Variants in QTRT1 observed in about 807,000 individuals in gnomAD.
The protein encoded by QTRT1 is queuine tRNA-ribosyltransferase catalytic subunit 1.
A neutral mutation model predicts 44.0 loss-of-function variants in QTRT1; 41 were observed. The observed-to-expected ratio is 0.93, with a 90% CI of 0.73 to 1.21. The LOEUF (loss-of-function observed/expected upper bound fraction) is 1.21. Ranked by LOEUF, QTRT1 falls within the 50% of genes most tolerant of loss-of-function variation. The probability of loss-of-function intolerance (pLI) is 0.00; values close to 1 mark genes in which losing one functional copy is unlikely to be tolerated. For missense variants in QTRT1, 542 were observed against 575.8 expected (o/e 0.94, Z 0.60); for synonymous variants, 226 against 237.1 (o/e 0.95, Z 0.43).
intron 5 of QTRT1, among the ~76,000 whole-genome samples, chr19:10,710,644 G>A (rs961966032): frequency 7.2e-5 from 11 of 151,794 alleles, no homozygotes; most frequent in Non-Finnish European, 1.3e-4. Context: ...TACTTTGGCC[G>A]GGCGTGGTGG....
At chr19:10,702,084 C>T (rs1183133342) in intron 2 of QTRT1, 32 bp from the exon 3 acceptor site, 1 of 1,614,142 alleles carries the variant, frequency 6.2e-7, no homozygotes, top group Non-Finnish European at 8.5e-7. Context: ...CATCTCCACC[C>T]CCTGACAGCT....
chr19:10,707,502 C>G lies in QTRT1; in HGVS notation c.533C>G (p.Ser178Ter). Residue 178 changes from serine to a stop codon, truncating the protein, a stop_gained and splice_region_variant, in exon 5 of 10, where the codon TCA (serine) becomes TGA (stop). Coordinates refer to ENST00000250237, the MANE Select transcript of QTRT1 (RefSeq NM_031209.3). LOFTEE classifies it high-confidence loss of function. ...TTGTGACTGGGGCCCTGTTGCAGGT[C>G]AATCCGCTGGCTGGACCGGTGCATT... Reference protein sequence around the residue: ...GPRVEEAMYRSIRWLDRCIAA... With the variant: ...GPRVEEAMYR 6 of 1,611,428 alleles carry G rather than the reference C, an allele frequency of 3.7e-6. No individual in the cohort carries two copies. The highest frequency in any genetic ancestry group is 5.1e-6 in the Non-Finnish European group (6 of 1,178,038).
At chr19:10,702,281 C>T in intron 3 of QTRT1, 27 bp downstream of exon 3, 1 of 1,606,602 alleles carries the variant, frequency 6.2e-7, no homozygotes, top group Middle Eastern at 1.8e-4. Context: ...GAGCCGCCTC[C>T]TTACCCTGTC....
Position 10,701,691 on chromosome 19 carries a change from G to A in QTRT1, c.231G>A (p.Leu77=). 1 of 1,581,236 alleles carries A rather than the reference G, an allele frequency of 6.3e-7. No homozygotes were observed. Among genetic ancestry groups the A allele is most frequent in the Non-Finnish European group, 8.6e-7 (1 of 1,164,644 alleles). The change falls in exon 1 of 10, where the codon CTG becomes CTA. Residue 77 remains leucine (L), a synonymous_variant. Coordinates refer to ENST00000250237, the MANE Select transcript of QTRT1 (RefSeq NM_031209.3). ...CRICLGNTYH[L]GLRPGPELIQ... is the part of the protein sequence containing the mutation. Reference sequence around the variant, plus strand: ...TCTGCCTGGGCAATACCTACCATCTGGGTCTAAGGCCGGTGGGTGGGCTCT... The same window carrying A: ...TCTGCCTGGGCAATACCTACCATCTAGGTCTAAGGCCGGTGGGTGGGCTCT...
intron 5 of QTRT1, among the ~76,000 whole-genome samples, chr19:10,710,491 A>G (rs1390896463): frequency 6.6e-6 from 1 of 151,744 alleles, no homozygotes; most frequent in Non-Finnish European, 1.5e-5. Flanking sequence ...CAATTTTTGT[A>G]TTTTTAGTAG....
chr19:10,709,672 C>T (rs1454548333), intron 5 of QTRT1, among the ~76,000 whole-genome samples: 1 of 152,078 alleles, frequency 6.6e-6, no homozygotes. Flanking sequence ...CACGGTGAAA[C>T]CCCATCTCTA....
chr19:10,712,138 C>T lies in QTRT1; in HGVS notation c.647-23C>T. 6.2e-7 allele frequency: 1 copy of T among 1,611,440 alleles called. No individual in the cohort carries two copies. Among genetic ancestry groups the T allele is most frequent in the South Asian group, 1.1e-5 (1 of 91,002 alleles). On this transcript the variant is annotated intron_variant, in intron 5 of 9. Transcript: ENST00000250237. This position sits in a 1 kb window ranked among gnomAD's most constrained non-coding sequence, Gnocchi z 5.6. ...CAGGCGCATTTCCTCTTCTGTGGCC[C>T]TCACCTTACCCTGTACCCTCAGAGA...
intron 3 of QTRT1, among the ~76,000 whole-genome samples, chr19:10,703,389 C>T (rs531706069): frequency 1.3e-5 from 2 of 152,104 alleles, no homozygotes; most frequent in South Asian, 4.2e-4. Flanking sequence ...GATAAAGAAC[C>T]ATGGCAACAC....
intron 3 of QTRT1, among the ~76,000 whole-genome samples, chr19:10,703,530 G>A (rs1390588943): frequency 6.6e-6 from 1 of 152,128 alleles, no homozygotes; most frequent in Non-Finnish European, 1.5e-5. Context: ...GAAGCCACGT[G>A]CTGGGTGCGG....
chr19:10,705,486 G>A (rs888733675), intron 3 of QTRT1, among the ~76,000 whole-genome samples: 9 of 152,018 alleles, frequency 5.9e-5, no homozygotes, highest in African/African-American at 1.5e-4. Context: ...TGATCCACCC[G>A]TCTCGGCCTC....
chr19:10,713,078 C>T lies in QTRT1; in HGVS notation c.1059+38C>T. On this transcript the variant is annotated intron_variant, in intron 9 of 9. Transcript: ENST00000250237. This position sits in a 1 kb window ranked among gnomAD's most constrained non-coding sequence, Gnocchi z 4.3. ...CCGGGGCAAGGTGGGCGGGGGTGTC[C>T]TAGGTGCGTATGCCCCACGCTGACC... 1.2e-6 allele frequency: 2 copies of T among 1,608,860 alleles called. No homozygotes were observed. The highest frequency in any genetic ancestry group is 1.7e-6 in the Non-Finnish European group (2 of 1,179,710).
Position 10,712,901 on chromosome 19 carries a change from C to A in QTRT1, c.971+34C>A, listed in dbSNP as rs767279798. ...GATGGCACTGGGAGCTGGGGCAGGG[C>A]ATGGAGGGGACAGGGCCTGGCCGTG... On this transcript the variant is annotated intron_variant, in intron 8 of 9. Coordinates refer to ENST00000250237, the MANE Select transcript of QTRT1 (RefSeq NM_031209.3). This position sits in a 1 kb window ranked among gnomAD's most constrained non-coding sequence, Gnocchi z 5.6. The A allele has an allele frequency of 1.2e-6, 2 of 1,612,564 alleles. No individual in the cohort carries two copies. The highest frequency in any genetic ancestry group is 3.3e-5 in the Admixed American group (2 of 60,022).
chr19:10,707,018 C>T (rs749422092), intron 3 of QTRT1, among the ~76,000 whole-genome samples: 5 of 152,214 alleles, frequency 3.3e-5, no homozygotes, highest in Non-Finnish European at 5.9e-5. Context: ...GTTTCCCGGT[C>T]TTGCTGTGGC....
At chr19:10,702,319 C>T in intron 3 of QTRT1, 65 bp downstream of exon 3, 1 of 1,563,344 alleles carries the variant, frequency 6.4e-7, no homozygotes, top group Non-Finnish European at 8.7e-7. Flanking sequence ...TACACGGGGC[C>T]TGTTTTTTAG....
Position 10,712,195 on chromosome 19 carries a change from CGGG to C in QTRT1, c.684_686del (p.Gly229del), listed in dbSNP as rs1568254185. ...AGCGAGACGTGCCTGGCTTCGCCAT[CGGG>C]GGCCTGAGCGGGGGTGAGAGCAAGT... On this transcript the variant is annotated inframe_deletion, in exon 6 of 10. Transcript: ENST00000250237. The surrounding 1 kb of genome is among the most constrained non-coding windows in gnomAD (Gnocchi z 5.6). 1.9e-6 allele frequency: 3 copies of C among 1,613,762 alleles called. No homozygotes were observed. In the Admixed American group the frequency reaches 5.0e-5, roughly 27 times the overall value.
At chr19:10,708,421 C>A (rs1192163929) in intron 5 of QTRT1, among the ~76,000 whole-genome samples, 1 of 152,120 alleles carries the variant, frequency 6.6e-6, no homozygotes, top group Non-Finnish European at 1.5e-5. Context: ...TGTGTCCAGC[C>A]ATGCATTACC....
rs1416672973 is a variant in QTRT1 at position 10,712,549 on chromosome 19, C to T, written c.786-4C>T. 1 of 1,613,370 alleles carries T rather than the reference C, an allele frequency of 6.2e-7. No individual in the cohort carries two copies. The highest frequency in any genetic ancestry group is 8.5e-7 in the Non-Finnish European group (1 of 1,179,496). On this transcript the variant is annotated splice_region_variant and splice_polypyrimidine_tract_variant and intron_variant, in intron 6 of 9. Coordinates refer to ENST00000250237, the MANE Select transcript of QTRT1 (RefSeq NM_031209.3). The surrounding 1 kb of genome is among the most constrained non-coding windows in gnomAD (Gnocchi z 5.6). ...GCCCCCTCCCGTCATGGCTGCAACCCCAGCTATGCCACTGATCTGGTAGTC... is the reference window on the plus strand; with the variant it reads ...GCCCCCTCCCGTCATGGCTGCAACCTCAGCTATGCCACTGATCTGGTAGTC...
rs2068746242 is a variant in QTRT1 at position 10,712,987 on chromosome 19, A to G, written c.1006A>G (p.Ser336Gly). Residue 336 changes from serine (S) to glycine (G), a missense_variant, in exon 9 of 10, where the codon AGT becomes GGT. Transcript: ENST00000250237. The surrounding 1 kb of genome is among the most constrained non-coding windows in gnomAD (Gnocchi z 5.6). ...SRAFLHALLH[S>G]DNTAALHHLT... The stretch of plus-strand genomic sequence containing the variant: ...CGCCTTCCTGCACGCACTGCTGCAC[A>G]GTGACAACACGGCCGCGCTGCACCA... 1 of 1,612,620 alleles carries G rather than the reference A, an allele frequency of 6.2e-7. No individual in the cohort carries two copies. Among genetic ancestry groups the G allele is most frequent in the Non-Finnish European group, 8.5e-7 (1 of 1,179,920 alleles).
intron 3 of QTRT1, among the ~76,000 whole-genome samples, chr19:10,702,843 C>T (rs1442737726): frequency 7.3e-6 from 1 of 136,910 alleles, no homozygotes; most frequent in Non-Finnish European, 1.5e-5. Context: ...GATCTGAGCT[C>T]ACTGCAACCT....
Sources: gnomAD v4.1 joint callset for allele counts (sites outside exome capture counted in the v4.1 genomes callset) on GRCh38, gnomAD v4.1.1 for gene constraint, Gnocchi (gnomAD v3.1) non-coding constraint, MANE v1.5 for transcripts, NCBI Gene and HGNC (gene_info 2026-07-23, HGNC 2026-07-21) for gene names.